Variants in RPS6KC1 observed in about 807,000 individuals in gnomAD.
RPS6KC1 encodes ribosomal protein S6 kinase C1, also known as inactive ribosomal protein S6 kinase delta-1.
A neutral mutation model predicts 103.8 loss-of-function variants in RPS6KC1; 54 were observed. The ratio of observed to expected loss-of-function variants is 0.52; its 90% CI spans 0.42 to 0.65. The LOEUF is 0.65. Ranked by LOEUF, RPS6KC1 falls within the 30% of genes least tolerant of loss-of-function variation. The probability of loss-of-function intolerance (pLI) is 0.00; values close to 1 mark genes in which losing one functional copy is unlikely to be tolerated. For synonymous variants in RPS6KC1, 439 were observed against 438.7 expected (o/e 1.00, Z -0.01); for missense variants, 1,151 against 1,253.8 (o/e 0.92, Z 1.24).
At chr1:213,293,630 C>T in the RPS6KC1 span, among the ~76,000 whole-genome samples, 1 of 152,060 alleles carries the variant, frequency 6.6e-6, no homozygotes, top group African/African-American at 2.4e-5. Flanking sequence ...TATGACTGCA[C>T]CACTGCATTC....
chr1:213,359,697 G>A, the RPS6KC1 span, among the ~76,000 whole-genome samples: 833 of 152,138 alleles, frequency 5.5e-3, 4 homozygotes, highest in African/African-American at 0.018. Flanking sequence ...GGCTGGTACC[G>A]GTTGTTCCTT....
the RPS6KC1 span, among the ~76,000 whole-genome samples, chr1:213,695,156 C>T: frequency 2.6e-5 from 4 of 152,128 alleles, no homozygotes; most frequent in South Asian, 2.1e-4. Flanking sequence ...TCAATAAATA[C>T]GCGTTGAACA....
rs548484572 is a variant in RPS6KC1 at position 213,094,388 on chromosome 1, CT to C, written c.263-10055del. 2.9e-3 allele frequency among the ~76,000 whole-genome samples: 416 copies of C among 145,176 alleles called. 2 individuals are homozygous for C. The highest frequency in any genetic ancestry group is 6.2e-3 in the African/African-American group (246 of 39,892). Reference sequence around the variant, plus strand: ...GTTGTCCTTGAAATGTCCTTTTTAGCTTTTTTTTTTTGATTCATAATCATGC... The same window carrying C: ...GTTGTCCTTGAAATGTCCTTTTTAGCTTTTTTTTTTGATTCATAATCATGC... On this transcript the variant is annotated intron_variant, in intron 3 of 14. Transcript: ENST00000366960.
At chr1:213,403,226 C>G in the RPS6KC1 span, among the ~76,000 whole-genome samples, 2 of 152,294 alleles carry the variant, frequency 1.3e-5, no homozygotes, top group East Asian at 3.9e-4. Context: ...ACTTGCCACG[C>G]TTTTCAACTC....
At chr1:213,082,086 G>A (rs2079946239) in intron 3 of RPS6KC1, among the ~76,000 whole-genome samples, 1 of 152,034 alleles carries the variant, frequency 6.6e-6, no homozygotes, top group African/African-American at 2.4e-5. Flanking sequence ...TGAGCTATGG[G>A]CTTTGAGGAG....
chr1:213,267,730 A>T (rs1424914645), intron 14 of RPS6KC1, among the ~76,000 whole-genome samples: 1 of 152,008 alleles, frequency 6.6e-6, no homozygotes, highest in African/African-American at 2.4e-5. Flanking sequence ...GTATATTTTT[A>T]AAAAACAGAA....
In RPS6KC1 at chr1:213,232,134, A is replaced by G. The variant is rs750472308; in HGVS notation, c.1104A>G (p.Lys368=). 17 of 1,613,686 alleles carry G rather than the reference A, an allele frequency of 1.1e-5. No homozygotes were observed. The highest frequency in any genetic ancestry group is 1.4e-5 in the Non-Finnish European group (16 of 1,179,826). Reference sequence around the variant, plus strand: ...TTGTTCTCTGTCAGGGTCTAAGGAAAAGCAGTGAATACAGCAGGAACAGAA... The same window carrying G: ...TTGTTCTCTGTCAGGGTCTAAGGAAGAGCAGTGAATACAGCAGGAACAGAA... The part of the protein sequence containing the change: ...EQTFILKGLR[K]SSEYSRNRKT... The change falls in exon 10 of 15, where the codon AAA becomes AAG. Residue 368 remains lysine (K), a synonymous_variant. Coordinates refer to ENST00000366960, the MANE Select transcript of RPS6KC1 (RefSeq NM_012424.6).
intron 14 of RPS6KC1, among the ~76,000 whole-genome samples, chr1:213,265,709 A>G (rs932889539): frequency 1.3e-5 from 2 of 152,216 alleles, no homozygotes; most frequent in South Asian, 2.1e-4. Flanking sequence ...GTATGGTTCA[A>G]TTTGAGTGCT....
chr1:213,716,728 A>G, the RPS6KC1 span, among the ~76,000 whole-genome samples: 6 of 152,116 alleles, frequency 3.9e-5, no homozygotes, highest in Non-Finnish European at 8.8e-5. Flanking sequence ...CTATTTGATG[A>G]TAAATTACTT....
At chr1:213,301,326 A>G in the RPS6KC1 span, among the ~76,000 whole-genome samples, 1 of 152,208 alleles carries the variant, frequency 6.6e-6, no homozygotes, top group African/African-American at 2.4e-5. Flanking sequence ...GAGGTCAACA[A>G]TTGTGTTGCT....
chr1:213,698,409 T>C, the RPS6KC1 span, among the ~76,000 whole-genome samples: 9 of 152,342 alleles, frequency 5.9e-5, no homozygotes, highest in African/African-American at 2.2e-4. Flanking sequence ...GTTATGAAAT[T>C]TTGAGTCACA....
the RPS6KC1 span, among the ~76,000 whole-genome samples, chr1:213,543,003 G>A: frequency 1.3e-5 from 2 of 152,156 alleles, no homozygotes; most frequent in Non-Finnish European, 2.9e-5. Context: ...AACTGACCTG[G>A]GGCAATAGCT....
the RPS6KC1 span, among the ~76,000 whole-genome samples, chr1:213,638,672 G>T: frequency 6.6e-6 from 1 of 151,924 alleles, no homozygotes; most frequent in Non-Finnish European, 1.5e-5. Flanking sequence ...GGGTAAATTT[G>T]TATGGGCCTG....
At chr1:213,604,663 T>C in the RPS6KC1 span, among the ~76,000 whole-genome samples, 131,685 of 152,180 alleles carry the variant, frequency 0.87, 57,239 homozygotes, top group East Asian at 0.98. Context: ...AGACCTGCCA[T>C]GTGGGCTGCC....
At chr1:213,424,785 G>A in the RPS6KC1 span, among the ~76,000 whole-genome samples, 1 of 152,238 alleles carries the variant, frequency 6.6e-6, no homozygotes, top group Non-Finnish European at 1.5e-5. Context: ...ACTTCAAGAA[G>A]CAGGATGAGG....
the RPS6KC1 span, among the ~76,000 whole-genome samples, chr1:213,489,161 G>A: frequency 1.3e-5 from 2 of 152,204 alleles, no homozygotes; most frequent in Non-Finnish European, 2.9e-5. Context: ...TGGGAAATAA[G>A]CTTCCTAATT....
chr1:213,752,586 A>C, the RPS6KC1 span, among the ~76,000 whole-genome samples: 1 of 152,210 alleles, frequency 6.6e-6, no homozygotes, highest in Non-Finnish European at 1.5e-5. Flanking sequence ...CACCATTAGA[A>C]AGTCATTCCA....
intron 6 of RPS6KC1, among the ~76,000 whole-genome samples, chr1:213,162,274 T>C (rs2090548352): frequency 6.6e-6 from 1 of 152,168 alleles, no homozygotes; most frequent in African/African-American, 2.4e-5. Flanking sequence ...TTCTCATCAC[T>C]AAGAGACTGG....
At chr1:213,258,835 G>C (rs1169124199) in intron 12 of RPS6KC1, among the ~76,000 whole-genome samples, 1 of 152,194 alleles carries the variant, frequency 6.6e-6, no homozygotes, top group Admixed American at 6.5e-5. Flanking sequence ...TTCCAAAGGT[G>C]ATAGTGGCTC....
Sources: allele counts gnomAD v4.1 joint callset (sites outside exome capture counted in the v4.1 genomes callset), GRCh38; gene constraint gnomAD v4.1.1; transcripts MANE v1.5; gene names NCBI Gene and HGNC (gene_info 2026-07-23, HGNC 2026-07-21).